The following SERPINE2 variants were observed in gnomAD, a reference collection of about 807,000 sequenced individuals.
SERPINE2 encodes the protein glia-derived nexin.
Under a neutral mutation model 36.3 loss-of-function variants are expected in SERPINE2, and 14 were observed. The observed-to-expected ratio is 0.39, with a 90% CI of 0.25 to 0.60. SERPINE2 has a LOEUF of 0.60. Among genes scored for constraint, SERPINE2 ranks in the 20% least tolerant of loss-of-function variants. The pLI, the probability that SERPINE2 is intolerant of heterozygous loss-of-function variation, is 0.57. For synonymous variants in SERPINE2, 192 were observed against 191.8 expected (o/e 1.00, Z -0.01); for missense variants, 418 against 499.6 (o/e 0.84, Z 1.56).
chr2:224,030,509 C>CT (rs1418648281), intron 1 of SERPINE2: 1 of 152,502 alleles, frequency 6.6e-6, no homozygotes, highest in Admixed American at 6.5e-5. Flanking sequence ...AGGGGTGGCC[C>CT]TTAAGCCTAA....
At chr2:223,984,725 T>C (rs765515958) in intron 5 of SERPINE2, 27 bp downstream of exon 5, 1 of 1,604,852 alleles carries the variant, frequency 6.2e-7, no homozygotes, top group East Asian at 2.2e-5. Context: ...ATGCCACTGT[T>C]TTCTTTGAGG....
In SERPINE2 at chr2:224,036,859, A is replaced by C. The variant is rs1032382311; in HGVS notation, c.-23+2240T>G. On this transcript the variant is annotated intron_variant, in intron 1 of 8. Transcript: ENST00000409304. ...AAAAAAGAAAAAAGCTCACAGGGAG[A>C]GACTGAAGATAAAAGTAAGAAAAGG... 4.6e-5 allele frequency among the ~76,000 whole-genome samples: 7 copies of C among 151,902 alleles called. No individual in the cohort carries two copies. The South Asian group carries it at 1.0e-3, about 23-fold the overall frequency.
rs146248976 is a variant in SERPINE2, at chr2:224,015,695, C to T, written c.-22-13773G>A. 2.6e-3 allele frequency among the ~76,000 whole-genome samples: 399 copies of T among 152,270 alleles called. 4 individuals are homozygous for T. The highest frequency in any genetic ancestry group is 0.014 in the Middle Eastern group (4 of 294). On this transcript the variant is annotated intron_variant, in intron 1 of 8. Coordinates refer to ENST00000409304, the MANE Select transcript of SERPINE2 (RefSeq NM_001136528.2). Reference sequence around the variant, plus strand: ...TTCCATGGCTCTCTTTCTCACCACCCGGCACTGCGCATGACAACAGGCAGG... The same window carrying T: ...TTCCATGGCTCTCTTTCTCACCACCTGGCACTGCGCATGACAACAGGCAGG...
chr2:224,025,184 C>G (rs1008065143), intron 1 of SERPINE2, among the ~76,000 whole-genome samples: 2 of 152,204 alleles, frequency 1.3e-5, no homozygotes, highest in Admixed American at 6.5e-5. Flanking sequence ...ACTGGCACGG[C>G]CAAGGGCTTC....
chr2:224,000,915 T>C (rs1488499382), intron 2 of SERPINE2, among the ~76,000 whole-genome samples: 1 of 152,226 alleles, frequency 6.6e-6, no homozygotes, highest in Non-Finnish European at 1.5e-5. Flanking sequence ...CCATATTTTC[T>C]TTATCCAGTC....
intron 1 of SERPINE2, among the ~76,000 whole-genome samples, chr2:224,027,837 T>C (rs949524724): frequency 6.6e-6 from 1 of 152,178 alleles, no homozygotes; most frequent in African/African-American, 2.4e-5. Context: ...ACAGAGTAAG[T>C]GCTCAAAAAC....
chr2:224,024,782 T>G (rs1387408684), intron 1 of SERPINE2, among the ~76,000 whole-genome samples: 2 of 152,214 alleles, frequency 1.3e-5, no homozygotes. Flanking sequence ...AAAGCTAAGA[T>G]AGGAGAACAG....
At chr2:224,014,244 G>A (rs1267796781) in intron 1 of SERPINE2, among the ~76,000 whole-genome samples, 3 of 152,008 alleles carry the variant, frequency 2.0e-5, no homozygotes, top group East Asian at 1.9e-4. Context: ...GCATGGTGGC[G>A]CACACCTGTT....
At chr2:223,997,793 G>A (rs1340108252) in intron 3 of SERPINE2, among the ~76,000 whole-genome samples, 1 of 152,190 alleles carries the variant, frequency 6.6e-6, no homozygotes. Context: ...AAAGCAGGAA[G>A]GAATGAGCAA....
chr2:224,038,688 G>A lies in SERPINE2; in HGVS notation c.-23+411C>T, dbSNP rs921496562. On this transcript the variant is annotated intron_variant, in intron 1 of 8. Coordinates refer to ENST00000409304, the MANE Select transcript of SERPINE2 (RefSeq NM_001136528.2). ...CCCCATCCGGCGGCGCGCAGCCTAA[G>A]TCCGGGGTAGGGGTTGCCGGCGAGC... The A allele has an allele frequency of 4.6e-6, 3 of 646,362 alleles. No homozygotes were observed. In the African/African-American group the frequency reaches 5.4e-5, roughly 12 times the overall value. The allele number at this position is 646,362 out of a possible 1,614,324, so 40.0% of individuals were successfully genotyped here.
At chr2:224,004,084 C>G (rs1691297310) in intron 1 of SERPINE2, among the ~76,000 whole-genome samples, 1 of 152,224 alleles carries the variant, frequency 6.6e-6, no homozygotes. Flanking sequence ...TCCGATGGCT[C>G]ATAAATACTT....
At chr2:223,998,488 T>G (rs1574826590) in intron 2 of SERPINE2, 146 bp from the exon 3 acceptor site, 2 of 627,734 alleles carry the variant, frequency 3.2e-6, no homozygotes, top group African/African-American at 1.8e-5. Flanking sequence ...GAGGCTGAGG[T>G]GGGTGGATTG....
At chr2:224,021,248 A>C (rs1055372607) in intron 1 of SERPINE2, among the ~76,000 whole-genome samples, 2 of 152,172 alleles carry the variant, frequency 1.3e-5, no homozygotes, top group South Asian at 4.1e-4. Context: ...GAGGTGAAGA[A>C]AGAAAGGGTG....
At chr2:224,000,701 G>A (rs557368800) in intron 2 of SERPINE2, among the ~76,000 whole-genome samples, 7 of 151,658 alleles carry the variant, frequency 4.6e-5, no homozygotes, top group African/African-American at 7.3e-5. Context: ...TCCACCCCTC[G>A]ACAGGCCCCA....
intron 1 of SERPINE2, among the ~76,000 whole-genome samples, chr2:224,016,817 C>G (rs1442824547): frequency 1.3e-5 from 2 of 152,090 alleles, no homozygotes; most frequent in African/African-American, 4.8e-5. Context: ...TACTGACACA[C>G]AAAACAACTT....
chr2:223,997,767 G>C (rs1690947365), intron 3 of SERPINE2, among the ~76,000 whole-genome samples: 1 of 152,190 alleles, frequency 6.6e-6, no homozygotes, highest in South Asian at 2.1e-4. Context: ...TCCAGGTAAA[G>C]GGAGAGGCAG....
chr2:223,987,944 T>C (rs916761371), intron 4 of SERPINE2, among the ~76,000 whole-genome samples: 5 of 152,248 alleles, frequency 3.3e-5, no homozygotes, highest in African/African-American at 1.2e-4. Flanking sequence ...TCCTGAGGAC[T>C]TAAGAAACTT....
At chr2:223,980,515 A>C (rs965842900) in intron 6 of SERPINE2, 118 bp from the exon 7 acceptor site, 11 of 782,728 alleles carry the variant, frequency 1.4e-5, no homozygotes, top group Non-Finnish European at 2.4e-5. Flanking sequence ...AAGTGTCAGA[A>C]GACATGACCT....
Position 224,001,855 on chromosome 2 carries a change from G to A in SERPINE2, c.46C>T (p.Pro16Ser), listed in dbSNP as rs368896299. 6.2e-6 allele frequency: 10 copies of A among 1,614,006 alleles called. 1 individual carries two copies. In the East Asian group the frequency reaches 2.2e-4, roughly 36 times the overall value. Residue 16 changes from proline to serine, a missense_variant, in exon 2 of 9, where the codon CCT (proline) becomes TCT (serine). Transcript: ENST00000409304. The part of the protein sequence containing the change: ...PLFLLASVTL[P>S]SICSHFNPLS... The stretch of plus-strand genomic sequence containing the variant: ...GGATTGAAGTGGGAGCAGATGGAAG[G>A]CAGCGTCACAGAGGCCAAGAGGAAG...
Sources: allele counts gnomAD v4.1 joint callset (sites outside exome capture counted in the v4.1 genomes callset), GRCh38; gene constraint gnomAD v4.1.1; transcripts MANE v1.5; gene names NCBI Gene and HGNC (gene_info 2026-07-23, HGNC 2026-07-21).